UNC5D: variants seen among roughly 807,000 people sequenced by gnomAD.
UNC5D encodes netrin receptor UNC5D.
In UNC5D, 39 loss-of-function variants were observed where a neutral mutation model predicts 105.4. The ratio of observed to expected loss-of-function variants is 0.37; its 90% confidence interval spans 0.29 to 0.48. The LOEUF (loss-of-function observed/expected upper bound fraction) is 0.48, where lower values mean the gene tolerates loss of function less well. Ranked by LOEUF, UNC5D falls within the 20% of genes least tolerant of loss-of-function variation. The pLI is 0.98. For missense variants in UNC5D, 991 were observed against 1,202.4 expected (o/e 0.82, Z 2.60); for synonymous variants, 452 against 450.4 (o/e 1.00, Z -0.04).
In UNC5D at chr8:35,358,630, T is replaced by A. The variant is rs189938920; in HGVS notation, c.103+122743T>A. The stretch of plus-strand genomic sequence containing the variant: ...TTAACAAATCTACATATCCTGCACA[T>A]GTACCCTAGAACTTAAAAAAGTAGT... On this transcript the variant is annotated intron_variant, in intron 1 of 16. Transcript: ENST00000404895. Among the ~76,000 whole-genome samples, 240 of 152,262 alleles carry A rather than the reference T, an allele frequency of 1.6e-3. 2 individuals are homozygous for A. The highest frequency in any genetic ancestry group is 5.7e-3 in the African/African-American group (235 of 41,558).
chr8:35,364,916 A>C (rs528825722), intron 1 of UNC5D, among the ~76,000 whole-genome samples: 3 of 152,182 alleles, frequency 2.0e-5, no homozygotes, highest in Non-Finnish European at 2.9e-5. Context: ...AAGAAAATCT[A>C]TCTGTGTGAA....
intron 16 of UNC5D, among the ~76,000 whole-genome samples, chr8:35,785,921 C>A (rs553556606): frequency 1.3e-5 from 2 of 152,098 alleles, no homozygotes; most frequent in Non-Finnish European, 2.9e-5. Context: ...CTGGACGTCA[C>A]CTAAGTTTTA....
chr8:35,502,614 A>C (rs1585992859), intron 1 of UNC5D, among the ~76,000 whole-genome samples: 1 of 152,202 alleles, frequency 6.6e-6, no homozygotes, highest in Middle Eastern at 3.4e-3. Context: ...GCTAGAGTGC[A>C]GTGGTGCGAT....
intron 14 of UNC5D, among the ~76,000 whole-genome samples, chr8:35,762,786 A>G (rs1388377188): frequency 6.6e-6 from 1 of 152,194 alleles, no homozygotes; most frequent in Non-Finnish European, 1.5e-5. Flanking sequence ...TTTATTTTTA[A>G]AAGCCAACAA....
chr8:35,581,183 G>A (rs1749450523), intron 3 of UNC5D, among the ~76,000 whole-genome samples: 1 of 152,104 alleles, frequency 6.6e-6, no homozygotes, highest in African/African-American at 2.4e-5. Flanking sequence ...CTTCTGTCCA[G>A]ATTCCTTCTC....
At chr8:35,254,031 T>C (rs1004946675) in intron 1 of UNC5D, among the ~76,000 whole-genome samples, 56 of 152,198 alleles carry the variant, frequency 3.7e-4, no homozygotes, top group African/African-American at 1.3e-3. Flanking sequence ...GTCTCGAAAC[T>C]GTCCCACAAT....
intron 1 of UNC5D, among the ~76,000 whole-genome samples, chr8:35,282,208 GCAC>G (rs1806236387): frequency 6.6e-6 from 1 of 152,158 alleles, no homozygotes; most frequent in Non-Finnish European, 1.5e-5. Flanking sequence ...GCTGTTGATG[GCAC>G]CATAGCATCG....
chr8:35,713,559 T>C (rs910095294), intron 8 of UNC5D, among the ~76,000 whole-genome samples: 4 of 152,246 alleles, frequency 2.6e-5, no homozygotes, highest in Admixed American at 6.5e-5. Context: ...TGGGAAATAC[T>C]TGTGCTAAAG....
chr8:35,712,286 C>A (rs1828013376), intron 8 of UNC5D, among the ~76,000 whole-genome samples: 1 of 152,026 alleles, frequency 6.6e-6, no homozygotes, highest in Non-Finnish European at 1.5e-5. Flanking sequence ...GAAAGAAAAT[C>A]AAGATTTTGC....
chr8:35,335,022 T>C (rs1810915551), intron 1 of UNC5D, among the ~76,000 whole-genome samples: 1 of 152,216 alleles, frequency 6.6e-6, no homozygotes, highest in East Asian at 1.9e-4. Flanking sequence ...TTTCTAGAAA[T>C]TCATGTAAAT....
chr8:35,624,763 T>G (rs1198486242), intron 4 of UNC5D, among the ~76,000 whole-genome samples: 1 of 152,208 alleles, frequency 6.6e-6, no homozygotes, highest in African/African-American at 2.4e-5. Flanking sequence ...AAGGGGAAAC[T>G]TAACCGGGGG....
At chr8:35,289,210 C>T (rs878940296) in intron 1 of UNC5D, among the ~76,000 whole-genome samples, 29 of 152,126 alleles carry the variant, frequency 1.9e-4, no homozygotes, top group African/African-American at 6.8e-4. Context: ...TGATAACCAA[C>T]TTACATTAGA....
chr8:35,287,565 C>CA (rs35229441), intron 1 of UNC5D, among the ~76,000 whole-genome samples: 124,412 of 151,726 alleles, frequency 0.82, 51,458 homozygotes, highest in East Asian at 1. Flanking sequence ...GGGGCTGAGG[C>CA]GGCTAATCAT....
intron 1 of UNC5D, among the ~76,000 whole-genome samples, chr8:35,525,989 T>A (rs1006700808): frequency 6.6e-6 from 1 of 152,216 alleles, no homozygotes; most frequent in Non-Finnish European, 1.5e-5. Context: ...TATCTTCATA[T>A]TTGTCTCACT....
Position 35,235,857 on chromosome 8 carries a change from T to C in UNC5D, c.73T>C (p.Phe25Leu), listed in dbSNP as rs1463098119. Residue 25 changes from phenylalanine to leucine, a missense_variant, in exon 1 of 17, where the codon TTC becomes CTC. Transcript: ENST00000404895. ...CTGGCTCCCGTGGCTGGGGCTGTGCTTCTGGGCGGCAGGGACCGCGGCTGC... is the reference window on the plus strand; with the variant it reads ...CTGGCTCCCGTGGCTGGGGCTGTGCCTCTGGGCGGCAGGGACCGCGGCTGC... ...RRWLPWLGLC[F>L]WAAGTAAARG... The C allele has an allele frequency of 1.3e-5, 16 of 1,230,112 alleles. No individual in the cohort carries two copies. The highest frequency in any genetic ancestry group is 3.2e-5 in the East Asian group (1 of 31,550). 76.2% of individuals were successfully genotyped at this position (1,230,112 alleles called of 1,614,324 possible).
chr8:35,589,173 A>G (rs941557333), intron 3 of UNC5D, among the ~76,000 whole-genome samples: 4 of 152,166 alleles, frequency 2.6e-5, no homozygotes, highest in Non-Finnish European at 5.9e-5. Flanking sequence ...TAACATGCAT[A>G]TGGTAGAGAT....
chr8:35,463,326 A>G (rs761124733), intron 1 of UNC5D, among the ~76,000 whole-genome samples: 49 of 152,148 alleles, frequency 3.2e-4, no homozygotes, highest in Non-Finnish European at 6.2e-4. Flanking sequence ...AAGTCTCTAG[A>G]GCTAATATGG....
At chr8:35,387,772 T>A (rs1803501713) in intron 1 of UNC5D, among the ~76,000 whole-genome samples, 1 of 152,148 alleles carries the variant, frequency 6.6e-6, no homozygotes, top group African/African-American at 2.4e-5. Flanking sequence ...GTACAGGTAT[T>A]TAGAGAGACA....
intron 3 of UNC5D, 138 bp downstream of exon 3, chr8:35,568,379 T>C (rs1817501016): frequency 1.6e-6 from 2 of 1,277,212 alleles, no homozygotes; most frequent in South Asian, 3.5e-5. Context: ...TAAAATGTTA[T>C]TTTAAAATGT....
Sources: allele counts gnomAD v4.1 joint callset (sites outside exome capture counted in the v4.1 genomes callset), GRCh38; gene constraint gnomAD v4.1.1; transcripts MANE v1.5; gene names NCBI Gene and HGNC (gene_info 2026-07-23, HGNC 2026-07-21).